Variants in DBNL observed in about 807,000 individuals in gnomAD.
The protein encoded by DBNL is drebrin-like protein.
DBNL carries 35 observed loss-of-function variants against 62.2 expected under a neutral mutation model. The observed-to-expected ratio is 0.56, with a 90% CI of 0.43 to 0.75. The LOEUF is 0.75. DBNL is among the 30% of genes least tolerant of loss of function. The pLI, the probability that DBNL is intolerant of heterozygous loss-of-function variation, is 0.00. For synonymous variants in DBNL, 197 were observed against 218.0 expected, an observed-to-expected ratio of 0.90 and a Z score of 0.85; for missense variants, 495 against 578.4, an observed-to-expected ratio of 0.86 and a Z score of 1.48.
chr7:44,065,316 C>A lies in DBNL; in HGVS notation c.*4400C>A, dbSNP rs1434894812. 1 of 1,613,604 alleles carries A rather than the reference C, an allele frequency of 6.2e-7. No homozygotes were observed. The highest frequency in any genetic ancestry group is 8.5e-7 in the Non-Finnish European group (1 of 1,180,056). ...GGCAGCCACATCTGGTCCGTGCCGT[C>A]CAGGATGGCCCAGAGGGTGCGGATG... On this transcript the variant is annotated 3_prime_UTR_variant, in exon 13 of 13. Coordinates refer to ENST00000448521, the MANE Select transcript of DBNL (RefSeq NM_001014436.3).
chr7:44,069,239 T>A lies in DBNL; in HGVS notation c.*8323T>A, dbSNP rs1230665306. ...TAAATGGCAAAAGTCCACATAAATA[T>A]GAAACTATTCTTTACTTCTTTAAGA... On this transcript the variant is annotated 3_prime_UTR_variant, in exon 13 of 13. Coordinates refer to ENST00000448521, the MANE Select transcript of DBNL (RefSeq NM_001014436.3). 3.3e-5 allele frequency: 5 copies of A among 152,182 alleles called. No homozygotes were observed. Among genetic ancestry groups the A allele is most frequent in the African/African-American group, 1.2e-4 (5 of 41,446 alleles). 9.4% of individuals were successfully genotyped at this position (152,182 alleles called of 1,614,324 possible). A position where few individuals can be genotyped will look rare whatever the true frequency, so the allele number is the denominator to read the frequency against.
At chr7:44,055,763 T>A (rs1479440767) in intron 4 of DBNL, among the ~76,000 whole-genome samples, 1 of 152,212 alleles carries the variant, frequency 6.6e-6, no homozygotes, top group East Asian at 1.9e-4. Flanking sequence ...AGATTATTAT[T>A]TTTTTGCTAC....
intron 6 of DBNL, 97 bp downstream of exon 6, chr7:44,057,956 C>G: frequency 6.4e-7 from 1 of 1,566,128 alleles, no homozygotes. Flanking sequence ...ATCCACTCTC[C>G]TTGGTGCCCA....
At position 44,068,714 on chromosome 7, in the gene DBNL, C is replaced by T. The variant is rs958639129; in HGVS notation, c.*7798C>T. The T allele has an allele frequency of 1.3e-5, 2 of 152,120 alleles. No homozygotes were observed. The highest frequency in any genetic ancestry group is 1.3e-4 in the Admixed American group (2 of 15,266). The allele number at this position is 152,120 out of a possible 1,614,324, so 9.4% of individuals were successfully genotyped here. A position where few individuals can be genotyped will look rare whatever the true frequency, so the allele number is the denominator to read the frequency against. On this transcript the variant is annotated 3_prime_UTR_variant, in exon 13 of 13. Transcript: ENST00000448521. ...CCTTCAGAAAGTATTGGTGAATATTCTTAAACAGAATGGAAATGACAAAGC... is the reference window on the plus strand; with the variant it reads ...CCTTCAGAAAGTATTGGTGAATATTTTTAAACAGAATGGAAATGACAAAGC...
chr7:44,046,588 C>G (rs1392204000), intron 1 of DBNL, among the ~76,000 whole-genome samples: 2 of 152,192 alleles, frequency 1.3e-5, no homozygotes, highest in African/African-American at 4.8e-5. Flanking sequence ...TCTCACTGGA[C>G]TCATCTGCCC....
Position 44,060,280 on chromosome 7 carries a change from G to A in DBNL, c.1153+127G>A. The A allele has an allele frequency of 3.6e-6, 3 of 828,780 alleles. No individual in the cohort carries two copies. Among genetic ancestry groups the A allele is most frequent in the Non-Finnish European group, 5.7e-6 (3 of 525,660 alleles). The allele number at this position is 828,780 out of a possible 1,614,324, so 51.3% of individuals were successfully genotyped here. ...AAGAGAAGACAGGAGGGTGGGCGGTGCGTTTAGGGGTAGAAGCACCTCTGG... is the reference window on the plus strand; with the variant it reads ...AAGAGAAGACAGGAGGGTGGGCGGTACGTTTAGGGGTAGAAGCACCTCTGG... On this transcript the variant is annotated intron_variant, in intron 12 of 12. Transcript: ENST00000448521. The surrounding 1 kb of genome is among the most constrained non-coding windows in gnomAD (Gnocchi z 6.3).
chr7:44,056,644 C>T, intron 4 of DBNL, 113 bp from the exon 5 acceptor site: 1 of 1,419,392 alleles, frequency 7.0e-7, no homozygotes, highest in Non-Finnish European at 9.4e-7. Context: ...TTCTAGTTTC[C>T]TGATTCCAGT....
chr7:44,056,481 AG>A (rs1654358194), intron 4 of DBNL, among the ~76,000 whole-genome samples: 1 of 152,240 alleles, frequency 6.6e-6, no homozygotes. Flanking sequence ...GATACACAGC[AG>A]GGAACAGCTA....
intron 2 of DBNL, 149 bp downstream of exon 2, chr7:44,050,429 T>A (rs1049952551): frequency 2.8e-6 from 2 of 721,658 alleles, no homozygotes; most frequent in Non-Finnish European, 2.4e-6. Context: ...GTTTCAGATA[T>A]GTGTAAGTGA....
Position 44,059,232 on chromosome 7 carries a change from T to C in DBNL, c.836-122T>C. 1 of 1,073,508 alleles carries C rather than the reference T, an allele frequency of 9.3e-7. No individual in the cohort carries two copies. The highest frequency in any genetic ancestry group is 2.6e-5 in the East Asian group (1 of 38,796). 66.5% of individuals were successfully genotyped at this position (1,073,508 alleles called of 1,614,324 possible). The stretch of plus-strand genomic sequence containing the variant: ...CACATGGCCCTGGGGCCTCTGTTCC[T>C]GCACTAGCAAGAGCAAGCCCCATGA... On this transcript the variant is annotated intron_variant, in intron 9 of 12. Transcript: ENST00000448521. The surrounding 1 kb of genome is among the most constrained non-coding windows in gnomAD (Gnocchi z 4.1).
chr7:44,057,889 C>T (rs370531550), intron 6 of DBNL, 30 bp downstream of exon 6: 121 of 1,613,500 alleles, frequency 7.5e-5, no homozygotes, highest in African/African-American at 2.4e-4. Flanking sequence ...ATGCTGGGCA[C>T]GTGGGAGTGT....
At chr7:44,057,615 G>A (rs1410835379) in intron 5 of DBNL, among the ~76,000 whole-genome samples, 167 bp from the exon 6 acceptor site, 1 of 152,208 alleles carries the variant, frequency 6.6e-6, no homozygotes, top group Non-Finnish European at 1.5e-5. Context: ...TCATCTTGGT[G>A]TGTGTCTCCT....
chr7:44,053,116 G>A (rs931395590), intron 4 of DBNL, among the ~76,000 whole-genome samples, 175 bp downstream of exon 4: 12 of 152,236 alleles, frequency 7.9e-5, no homozygotes, highest in Admixed American at 1.3e-4. Context: ...CTCGGTCAGT[G>A]AGTGCATGGG....
chr7:44,044,906 GGGAGCGCGAGCGC>G, intron 1 of DBNL, 86 bp downstream of exon 1: 1 of 1,298,354 alleles, frequency 7.7e-7, no homozygotes, highest in Non-Finnish European at 1.0e-6. Context: ...CGGGGGGAGC[GGGAGCGCGAGCGC>G]GGAGCGGTGC....
rs1233782532 is a variant in DBNL, at chr7:44,058,912, T to C, written c.764T>C (p.Val255Ala). ...TGTGCTTCCCTCCAGGAGTCTGCCGTGCACCCGAGGGAGATTTTCAAGCAG... is the reference window on the plus strand; with the variant it reads ...TGTGCTTCCCTCCAGGAGTCTGCCGCGCACCCGAGGGAGATTTTCAAGCAG... Reference protein sequence around the residue: ...SRNRNEQESAVHPREIFKQKE... With the variant: ...SRNRNEQESAAHPREIFKQKE... Residue 255 changes from valine to alanine, a missense_variant, in exon 9 of 13, where the codon GTG becomes GCG. Val to Ala is a moderately conservative substitution (Grantham distance 64). Transcript: ENST00000448521. 6.2e-7 allele frequency: 1 copy of C among 1,613,796 alleles called. No homozygotes were observed. The highest frequency in any genetic ancestry group is 8.5e-7 in the Non-Finnish European group (1 of 1,179,954).
At position 44,061,551 on chromosome 7, in the gene DBNL, G is replaced by A. The variant is rs1243975874; in HGVS notation, c.*635G>A. ...TATTCAAAAACGGCAGACACAACAT[G>A]TTCCTCCACGCGGCTCACTCGATGC... On this transcript the variant is annotated 3_prime_UTR_variant, in exon 13 of 13. Coordinates refer to ENST00000448521, the MANE Select transcript of DBNL (RefSeq NM_001014436.3). 6.5e-6 allele frequency: 1 copy of A among 153,686 alleles called. No individual in the cohort carries two copies. The highest frequency in any genetic ancestry group is 1.5e-5 in the Non-Finnish European group (1 of 68,798). 9.5% of individuals were successfully genotyped at this position (153,686 alleles called of 1,614,324 possible).
chr7:44,049,317 C>T (rs1215657204), intron 1 of DBNL, among the ~76,000 whole-genome samples: 2 of 152,152 alleles, frequency 1.3e-5, no homozygotes, highest in Non-Finnish European at 2.9e-5. Context: ...CTGCCACGCC[C>T]AGCTGATTTT....
chr7:44,058,423 TC>T lies in DBNL; in HGVS notation c.705-6del, dbSNP rs776365875. 5 of 1,614,188 alleles carry T rather than the reference TC, an allele frequency of 3.1e-6. No individual in the cohort carries two copies. The highest frequency in any genetic ancestry group is 4.2e-6 in the Non-Finnish European group (5 of 1,180,026). ...CCTCAGCTGTGCCCCACCCGGCCCT[TC>T]CCAGCAGGACGTGGGAGCAGCAGCA... On this transcript the variant is annotated splice_region_variant and splice_polypyrimidine_tract_variant and intron_variant, in intron 7 of 12. Coordinates refer to ENST00000448521, the MANE Select transcript of DBNL (RefSeq NM_001014436.3).
In DBNL at chr7:44,063,146, G is replaced by C; in HGVS notation, c.*2230G>C. ...AATAGCCCAGTGGTGAAAAAAATGG[G>C]GACTTCAGCCCCACCCAAGTGGCTG... On this transcript the variant is annotated 3_prime_UTR_variant, in exon 13 of 13. Coordinates refer to ENST00000448521, the MANE Select transcript of DBNL (RefSeq NM_001014436.3). The C allele has an allele frequency of 1.7e-6, 1 of 595,066 alleles. No homozygotes were observed. Among genetic ancestry groups the C allele is most frequent in the Non-Finnish European group, 3.1e-6 (1 of 326,998 alleles). 36.9% of individuals were successfully genotyped at this position (595,066 alleles called of 1,614,324 possible).
Sources: allele counts gnomAD v4.1 joint callset (sites outside exome capture counted in the v4.1 genomes callset), GRCh38; gene constraint gnomAD v4.1.1; non-coding constraint Gnocchi (gnomAD v3.1); transcripts MANE v1.5; gene names NCBI Gene and HGNC (gene_info 2026-07-23, HGNC 2026-07-21).